UNC13A: variants seen among roughly 807,000 people sequenced by gnomAD.
UNC13A encodes the protein protein unc-13 homolog A.
In UNC13A, 61 loss-of-function variants were observed where a neutral mutation model predicts 219.7. The ratio of observed to expected loss-of-function variants is 0.28; its 90% confidence interval spans 0.23 to 0.34. UNC13A has a LOEUF of 0.34. Ranked by LOEUF, UNC13A falls within the 10% of genes least tolerant of loss-of-function variation. The pLI is 1.00. For missense variants in UNC13A, 1,476 were observed against 2,270.3 expected, an observed-to-expected ratio of 0.65 and a Z score of 7.11; for synonymous variants, 920 against 884.6, an observed-to-expected ratio of 1.04 and a Z score of -0.71.
At chr19:17,630,778 T>C (rs764621591) in intron 28 of UNC13A, 28 bp from the exon 29 acceptor site, 1 of 1,602,574 alleles carries the variant, frequency 6.2e-7, no homozygotes, top group Non-Finnish European at 8.5e-7. Context: ...GGTGGGGCTC[T>C]GCCACCTCTT....
chr19:17,610,563 T>C (rs1171226065), intron 42 of UNC13A, among the ~76,000 whole-genome samples: 3 of 152,070 alleles, frequency 2.0e-5, no homozygotes, highest in Non-Finnish European at 4.4e-5. Flanking sequence ...TGAAGCTAAG[T>C]GTGGTCATAT....
chr19:17,662,914 C>T (rs1337562870), intron 8 of UNC13A, among the ~76,000 whole-genome samples: 13 of 134,170 alleles, frequency 9.7e-5, no homozygotes, highest in African/African-American at 2.3e-4. Context: ...AGTGAGACTC[C>T]GTCTCAAAAA....
chr19:17,630,043 A>C, intron 30 of UNC13A, 102 bp downstream of exon 30: 1 of 1,318,684 alleles, frequency 7.6e-7, no homozygotes, highest in Non-Finnish European at 1.0e-6. Context: ...TGACATCACC[A>C]ACTCCAACCT....
chr19:17,626,399 G>A (rs890252055), intron 34 of UNC13A: 2 of 430,892 alleles, frequency 4.6e-6, no homozygotes, highest in African/African-American at 4.2e-5. Context: ...CATCCCTCAT[G>A]TCACCTATTC....
At chr19:17,620,868 C>G (rs2076722519) in intron 37 of UNC13A, 146 bp from the exon 38 acceptor site, 1 of 878,238 alleles carries the variant, frequency 1.1e-6, no homozygotes, top group Non-Finnish European at 1.9e-6. Context: ...GGGCCCCCTC[C>G]CCAGCTAGCA....
intron 30 of UNC13A, 59 bp from the exon 31 acceptor site, chr19:17,629,382 C>T (rs186795088): frequency 1.1e-5 from 17 of 1,497,124 alleles, no homozygotes; most frequent in South Asian, 4.8e-5. Context: ...AGGCGCCAGT[C>T]GTCCCATCAA....
At chr19:17,641,313 G>A in intron 21 of UNC13A, 80 bp downstream of exon 21, 1 of 1,546,036 alleles carries the variant, frequency 6.5e-7, no homozygotes, top group Non-Finnish European at 8.8e-7. Flanking sequence ...TTCCCCCTGA[G>A]AATCCCTCCC....
intron 12 of UNC13A, among the ~76,000 whole-genome samples, chr19:17,650,672 T>C (rs1800484728): frequency 6.6e-6 from 1 of 151,478 alleles, no homozygotes; most frequent in South Asian, 2.1e-4. Context: ...GAAACAAGCT[T>C]TCACCATGTT....
intron 42 of UNC13A, 103 bp downstream of exon 42, chr19:17,611,660 G>T: frequency 2.8e-6 from 3 of 1,063,418 alleles, no homozygotes; most frequent in Non-Finnish European, 2.8e-6. Flanking sequence ...CCGTTTCATG[G>T]ACCATTAAAC....
In UNC13A at chr19:17,627,592, A is replaced by G. The variant is rs1337802689; in HGVS notation, c.3837T>C (p.Asp1279=). 5 of 1,558,644 alleles carry G rather than the reference A, an allele frequency of 3.2e-6. No individual in the cohort carries two copies. Residue 1279 remains aspartate (D), a synonymous_variant, in exon 33 of 44, where the codon GAT becomes GAC. Transcript: ENST00000519716. The surrounding 1 kb of genome is among the most constrained non-coding windows in gnomAD (Gnocchi z 4.7). ...MFEAMGGKEL[D]AEASDILKEL... The stretch of plus-strand genomic sequence containing the variant: ...CCTTCAGGATGTCACTGGCTTCAGC[A>G]TCCAGCTAAGGAGGGAGAAGGGACA...
intron 43 of UNC13A, among the ~76,000 whole-genome samples, chr19:17,608,682 T>TA (rs1187044479): frequency 1.3e-5 from 2 of 151,010 alleles, no homozygotes; most frequent in East Asian, 3.9e-4. Flanking sequence ...CACGCCTGGC[T>TA]AGGTTTTGTA....
chr19:17,681,740 A>C (rs976017826), intron 1 of UNC13A, among the ~76,000 whole-genome samples: 1 of 152,168 alleles, frequency 6.6e-6, no homozygotes, highest in Non-Finnish European at 1.5e-5. Flanking sequence ...GCTGTCCCCC[A>C]GAGGCGCGGG....
At chr19:17,645,009 CTTTTT>C (rs3049769) in intron 19 of UNC13A, among the ~76,000 whole-genome samples, 1 of 126,610 alleles carries the variant, frequency 7.9e-6, no homozygotes, top group Non-Finnish European at 1.6e-5. Context: ...AGCCTGGATT[CTTTTT>C]TTTTTTTTTT....
At chr19:17,662,781 G>A (rs199643868) in intron 8 of UNC13A, among the ~76,000 whole-genome samples, 3 of 152,168 alleles carry the variant, frequency 2.0e-5, no homozygotes, top group East Asian at 1.9e-4. Context: ...TTAGCCGGGC[G>A]TGTTGGCGGA....
In UNC13A at chr19:17,655,396, C is replaced by T. The variant is rs370056305; in HGVS notation, c.1284-14G>A. On this transcript the variant is annotated splice_polypyrimidine_tract_variant and intron_variant, in intron 10 of 43. Transcript: ENST00000519716. ...CTCGGCCTGAAACTGAGGCAGGGAA[C>T]GCTATGAGGCTCTGGGCTGGCTCTC... 9.3e-5 allele frequency: 144 copies of T among 1,556,482 alleles called. No individual in the cohort carries two copies. The highest frequency in any genetic ancestry group is 1.2e-4 in the Non-Finnish European group (138 of 1,149,056).
chr19:17,681,705 T>C (rs2080021492), intron 1 of UNC13A, among the ~76,000 whole-genome samples: 1 of 152,162 alleles, frequency 6.6e-6, no homozygotes, highest in Admixed American at 6.5e-5. Context: ...ACCTCCTCCA[T>C]TAATCCTGGG....
intron 1 of UNC13A, among the ~76,000 whole-genome samples, chr19:17,687,521 CTG>C (rs770246829): frequency 6.6e-6 from 1 of 152,078 alleles, no homozygotes; most frequent in African/African-American, 2.4e-5. Context: ...AAAGAGTTAA[CTG>C]GAAAAGCGCC....
chr19:17,660,559 T>A (rs964481370), intron 8 of UNC13A, among the ~76,000 whole-genome samples: 2 of 142,984 alleles, frequency 1.4e-5, no homozygotes, highest in African/African-American at 5.3e-5. Context: ...TGAGACAGAG[T>A]CTCGCTCTGT....
rs1027624317 is a variant in UNC13A at position 17,610,003 on chromosome 19, C to G, written c.4748G>C (p.Arg1583Pro). The G allele has an allele frequency of 6.2e-7, 1 of 1,614,030 alleles. No individual in the cohort carries two copies. The highest frequency in any genetic ancestry group is 8.5e-7 in the Non-Finnish European group (1 of 1,179,904). The change falls in exon 43 of 44, where the codon CGC becomes CCC. Residue 1583 changes from arginine to proline, a missense_variant. Arg to Pro is a moderately radical substitution (Grantham distance 103). Around this residue, in one of 14 missense-constraint regions of UNC13A, gnomAD observed 5 missense variants for 28.8 expected, o/e 0.17. Transcript: ENST00000519716. ...IIGPQLSDKK[R>P]KFATKSKNNS... ...GTTCTTGGATTTGGTCGCAAACTTGCGTTTCTTGTCGCTGAGCTGGGGCCC... is the reference window on the plus strand; with the variant it reads ...GTTCTTGGATTTGGTCGCAAACTTGGGTTTCTTGTCGCTGAGCTGGGGCCC...
Sources: allele counts gnomAD v4.1 joint callset (sites outside exome capture counted in the v4.1 genomes callset), GRCh38; gene constraint gnomAD v4.1.1; regional missense constraint gnomAD v4.1.1; non-coding constraint Gnocchi (gnomAD v3.1); transcripts MANE v1.5; gene names NCBI Gene and HGNC (gene_info 2026-07-23, HGNC 2026-07-21).